Variants in FAM120A observed in about 807,000 individuals in gnomAD.
The protein encoded by FAM120A is constitutive coactivator of PPAR-gamma-like protein 1.
Under a neutral mutation model 109.7 loss-of-function variants are expected in FAM120A, and 15 were observed. The observed-to-expected ratio is 0.14, with a 90% CI of 0.09 to 0.21. The LOEUF (loss-of-function observed/expected upper bound fraction) is 0.21. Ranked by LOEUF, FAM120A falls within the 10% of genes least tolerant of loss-of-function variation. The probability of loss-of-function intolerance (pLI) is 1.00; values close to 1 mark genes in which losing one functional copy is unlikely to be tolerated. For synonymous variants in FAM120A, 493 were observed against 572.8 expected (o/e 0.86, Z 1.99); for missense variants, 899 against 1,439.3 (o/e 0.62, Z 6.07).
intron 3 of FAM120A, among the ~76,000 whole-genome samples, chr9:93,479,108 T>G (rs2131286642): frequency 7.0e-6 from 1 of 142,950 alleles, no homozygotes; most frequent in South Asian, 2.2e-4. Context: ...TTTTTTTTTT[T>G]TTTTTTTTGA....
chr9:93,452,918 C>T lies in FAM120A; in HGVS notation c.474+529C>T, dbSNP rs1857339712. The T allele has an allele frequency of 7.0e-7, 1 of 1,426,138 alleles. No homozygotes were observed. Among genetic ancestry groups the T allele is most frequent in the Non-Finnish European group, 9.1e-7 (1 of 1,097,158 alleles). 88.3% of individuals were successfully genotyped at this position (1,426,138 alleles called of 1,614,324 possible). A position where few individuals can be genotyped will look rare whatever the true frequency, so the allele number is the denominator to read the frequency against. Reference sequence around the variant, plus strand: ...GCCAATGTTGTTAGCCCGGTGACAGCGAGACGTGTCTAAGGGCCAGTGCCC... The same window carrying T: ...GCCAATGTTGTTAGCCCGGTGACAGTGAGACGTGTCTAAGGGCCAGTGCCC... On this transcript the variant is annotated intron_variant, in intron 1 of 17. Coordinates refer to ENST00000277165, the MANE Select transcript of FAM120A (RefSeq NM_014612.5). The surrounding 1 kb of genome is among the most constrained non-coding windows in gnomAD (Gnocchi z 7.0).
chr9:93,491,508 A>C (rs2131328886), intron 3 of FAM120A, among the ~76,000 whole-genome samples: 1 of 152,336 alleles, frequency 6.6e-6, no homozygotes, highest in African/African-American at 2.4e-5. Flanking sequence ...TTCACATAAG[A>C]GGATATTTTT....
At chr9:93,512,178 A>G (rs1485150950) in intron 5 of FAM120A, among the ~76,000 whole-genome samples, 1 of 152,220 alleles carries the variant, frequency 6.6e-6, no homozygotes, top group Non-Finnish European at 1.5e-5. Context: ...TCATATGCCA[A>G]GTAATAGAGG....
rs1857961553 is a variant in FAM120A at position 93,465,106 on chromosome 9, CTG to C, written c.475-6033_475-6032del. Among the ~76,000 whole-genome samples, 3 of 152,208 alleles carry C rather than the reference CTG, an allele frequency of 2.0e-5. No homozygotes were observed. In the South Asian group the frequency reaches 6.2e-4, roughly 32 times the overall value. ...AGATGAACAGCAGGGGAGCTCAAGT[CTG>C]TCAGACCAAAGCTTCAGCCCAGTAC... On this transcript the variant is annotated intron_variant, in intron 1 of 17. Coordinates refer to ENST00000277165, the MANE Select transcript of FAM120A (RefSeq NM_014612.5).
chr9:93,522,700 T>C lies in FAM120A; in HGVS notation c.1419-4455T>C, dbSNP rs540638228. On this transcript the variant is annotated intron_variant, in intron 7 of 17. Transcript: ENST00000277165. ...TGGGTTTCATTTTCTTGAGAACTTA[T>C]GTATGTATCTTAGGAGAGAAAGCCC... Among the ~76,000 whole-genome samples, 6 of 152,374 alleles carry C rather than the reference T, an allele frequency of 3.9e-5. No individual in the cohort carries two copies. In the South Asian group the frequency reaches 1.0e-3, roughly 26 times the overall value.
chr9:93,526,217 G>A (rs1861076238), intron 7 of FAM120A, among the ~76,000 whole-genome samples: 1 of 152,194 alleles, frequency 6.6e-6, no homozygotes, highest in Non-Finnish European at 1.5e-5. Flanking sequence ...CCAGTGTGGT[G>A]CTGCATCCTG....
intron 13 of FAM120A, 81 bp downstream of exon 13, chr9:93,556,672 A>G (rs1862292495): frequency 4.4e-6 from 6 of 1,356,706 alleles, no homozygotes; most frequent in African/African-American, 1.4e-5. Flanking sequence ...TTTATACCAT[A>G]TTTATCATCC....
chr9:93,564,208 G>A, intron 17 of FAM120A, 21 bp from the exon 18 acceptor site: 1 of 1,587,792 alleles, frequency 6.3e-7, no homozygotes, highest in East Asian at 2.3e-5. Context: ...CTTCTCATTT[G>A]TTGTCCTTCA....
rs555085476 is a variant in FAM120A at position 93,488,466 on chromosome 9, A to G, written c.805-9005A>G. Among the ~76,000 whole-genome samples the G allele has an allele frequency of 5.9e-5, 9 of 151,706 alleles. No individual in the cohort carries two copies. The South Asian group carries it at 1.3e-3, about 21-fold the overall frequency. ...TTCCTCCTCGCCTCTGTTGCCTCCTACGGGTTCCATCTGTACTGTGATTCT... is the reference window on the plus strand; with the variant it reads ...TTCCTCCTCGCCTCTGTTGCCTCCTGCGGGTTCCATCTGTACTGTGATTCT... On this transcript the variant is annotated intron_variant, in intron 3 of 17. Coordinates refer to ENST00000277165, the MANE Select transcript of FAM120A (RefSeq NM_014612.5).
At chr9:93,557,220 C>T (rs932417318) in intron 13 of FAM120A, among the ~76,000 whole-genome samples, 1 of 151,316 alleles carries the variant, frequency 6.6e-6, no homozygotes, top group African/African-American at 2.4e-5. Context: ...ACCTCCACCT[C>T]CCAGGTTCAA....
In FAM120A at chr9:93,540,540, G is replaced by A. The variant is rs1436168278; in HGVS notation, c.1910-2682G>A. ...GGACTCGGAGCAGCCTTTGGCTGGA[G>A]TATTGCCATGAGTCCATCAGCAAGA... On this transcript the variant is annotated intron_variant, in intron 10 of 17. Coordinates refer to ENST00000277165, the MANE Select transcript of FAM120A (RefSeq NM_014612.5). 2.0e-5 allele frequency among the ~76,000 whole-genome samples: 3 copies of A among 152,164 alleles called. No homozygotes were observed. The East Asian group carries it at 5.8e-4, about 29-fold the overall frequency.
chr9:93,542,007 A>G (rs576327790), intron 10 of FAM120A, among the ~76,000 whole-genome samples: 12 of 152,248 alleles, frequency 7.9e-5, no homozygotes, highest in Non-Finnish European at 1.8e-4. Flanking sequence ...AGCCAGTAAT[A>G]CATTTAACTC....
At chr9:93,509,347 G>A (rs1227428432) in intron 5 of FAM120A, among the ~76,000 whole-genome samples, 4 of 152,206 alleles carry the variant, frequency 2.6e-5, no homozygotes, top group Admixed American at 1.3e-4. Context: ...GGATGGCCTC[G>A]GGGGTTGGGA....
At chr9:93,501,983 T>TG (rs1365492884) in intron 5 of FAM120A, among the ~76,000 whole-genome samples, 1 of 152,190 alleles carries the variant, frequency 6.6e-6, no homozygotes, top group African/African-American at 2.4e-5. Flanking sequence ...ATGGAGTCGG[T>TG]GGGACCCTTT....
At chr9:93,555,688 G>A (rs953403161) in intron 12 of FAM120A, among the ~76,000 whole-genome samples, 4 of 152,154 alleles carry the variant, frequency 2.6e-5, no homozygotes, top group African/African-American at 7.2e-5. Flanking sequence ...ATAGAAGGTA[G>A]GCACCCAGCA....
At chr9:93,467,146 G>A (rs539127038) in intron 1 of FAM120A, among the ~76,000 whole-genome samples, 3 of 150,994 alleles carry the variant, frequency 2.0e-5, no homozygotes, top group African/African-American at 7.3e-5. Context: ...TATGAGTTTC[G>A]ACAAATGCTG....
intron 3 of FAM120A, among the ~76,000 whole-genome samples, chr9:93,486,953 G>T (rs1197568420): frequency 7.5e-4 from 114 of 152,006 alleles, no homozygotes; most frequent in Non-Finnish European, 1.3e-4. Flanking sequence ...GCTTGTTATT[G>T]TCTATTTTTT....
At chr9:93,560,565 CA>C (rs1464036279) in intron 15 of FAM120A, among the ~76,000 whole-genome samples, 1 of 152,134 alleles carries the variant, frequency 6.6e-6, no homozygotes, top group Non-Finnish European at 1.5e-5. Flanking sequence ...TGTTTTTAAA[CA>C]GAAGTTTTGC....
chr9:93,459,694 AGACATTTGGCAGGG>A (rs1355274838), intron 1 of FAM120A, among the ~76,000 whole-genome samples: 1 of 152,042 alleles, frequency 6.6e-6, no homozygotes, highest in South Asian at 2.1e-4. Context: ...TTGACAGTTG[AGACATTTGGCAGGG>A]GACATTTGGC....
Sources: gnomAD v4.1 joint callset for allele counts (sites outside exome capture counted in the v4.1 genomes callset) on GRCh38, gnomAD v4.1.1 for gene constraint, Gnocchi (gnomAD v3.1) non-coding constraint, MANE v1.5 for transcripts, NCBI Gene and HGNC (gene_info 2026-07-23, HGNC 2026-07-21) for gene names.